Variants in HS6ST3 observed in about 807,000 individuals in gnomAD.
HS6ST3 encodes heparan sulfate 6-O-sulfotransferase 3, also known as heparan-sulfate 6-O-sulfotransferase 3.
Under a neutral mutation model 36.7 loss-of-function variants are expected in HS6ST3, and 12 were observed. The observed-to-expected ratio is 0.33, with a 90% CI of 0.21 to 0.53. HS6ST3 has a LOEUF of 0.53. HS6ST3 is among the 20% of genes least tolerant of loss of function. HS6ST3 has a pLI of 0.95. For missense variants in HS6ST3, 584 were observed against 640.9 expected, an observed-to-expected ratio of 0.91 and a Z score of 0.96; for synonymous variants, 240 against 257.5, an observed-to-expected ratio of 0.93 and a Z score of 0.65.
At chr13:96,517,293 TCA>T (rs2056076441) in intron 1 of HS6ST3, among the ~76,000 whole-genome samples, 1 of 151,548 alleles carries the variant, frequency 6.6e-6, no homozygotes, top group African/African-American at 2.4e-5. Flanking sequence ...GGTGGGAGAA[TCA>T]CTTGGATCTG....
At chr13:96,613,428 T>C (rs996853816) in intron 1 of HS6ST3, among the ~76,000 whole-genome samples, 3 of 152,056 alleles carry the variant, frequency 2.0e-5, no homozygotes, top group African/African-American at 7.2e-5. Context: ...CCACCACAAG[T>C]TTTGCTTTTG....
Position 96,484,223 on chromosome 13 carries a change from T to C in HS6ST3, c.708-348267T>C, listed in dbSNP as rs148966725. On this transcript the variant is annotated intron_variant, in intron 1 of 1. Transcript: ENST00000376705. ...AAAACTTAATGTTTTGATATATGTG[T>C]ATATTGTGAAATGATCATTGCAATC... Among the ~76,000 whole-genome samples the C allele has an allele frequency of 4.9e-4, 75 of 152,262 alleles. No homozygotes were observed. The East Asian group carries it at 0.014, about 29-fold the overall frequency.
intron 1 of HS6ST3, among the ~76,000 whole-genome samples, chr13:96,304,021 T>TA (rs1163231094): frequency 6.6e-6 from 1 of 151,850 alleles, no homozygotes; most frequent in Non-Finnish European, 1.5e-5. Flanking sequence ...TGTGCACCTG[T>TA]AGTTCCAGTT....
At chr13:96,634,589 A>C (rs1007458918) in intron 1 of HS6ST3, among the ~76,000 whole-genome samples, 1 of 152,156 alleles carries the variant, frequency 6.6e-6, no homozygotes, top group Non-Finnish European at 1.5e-5. Flanking sequence ...GCTTATTACC[A>C]AAAAGATTAG....
At chr13:96,371,489 A>G (rs189533612) in intron 1 of HS6ST3, among the ~76,000 whole-genome samples, 1 of 152,238 alleles carries the variant, frequency 6.6e-6, no homozygotes, top group East Asian at 1.9e-4. Context: ...CCTACTTAAG[A>G]TCTCTCTTAG....
intron 1 of HS6ST3, among the ~76,000 whole-genome samples, chr13:96,313,187 G>A (rs1351148074): frequency 6.6e-6 from 1 of 151,946 alleles, no homozygotes; most frequent in Non-Finnish European, 1.5e-5. Context: ...TTGAGAGCCT[G>A]CTTCCCATCT....
intron 1 of HS6ST3, among the ~76,000 whole-genome samples, chr13:96,696,418 C>A (rs656180): frequency 0.015 from 2,277 of 152,260 alleles, 55 homozygotes; most frequent in African/African-American, 0.051. Context: ...GGAACTGTGG[C>A]CTGGCCAAGT....
intron 1 of HS6ST3, among the ~76,000 whole-genome samples, chr13:96,552,931 T>C (rs2056225135): frequency 6.6e-6 from 1 of 152,166 alleles, no homozygotes; most frequent in Non-Finnish European, 1.5e-5. Flanking sequence ...AGTCCAGTTA[T>C]AATGGCTGAA....
intron 1 of HS6ST3, among the ~76,000 whole-genome samples, chr13:96,528,766 T>C (rs959929468): frequency 6.6e-6 from 1 of 152,172 alleles, no homozygotes; most frequent in Non-Finnish European, 1.5e-5. Flanking sequence ...ACTACTAAGA[T>C]ATCCCTGACT....
chr13:96,349,329 G>T (rs1258967356), intron 1 of HS6ST3, among the ~76,000 whole-genome samples: 2 of 151,962 alleles, frequency 1.3e-5, no homozygotes, highest in Admixed American at 6.6e-5. Flanking sequence ...TTGTGTGTTT[G>T]TGTGTTCTAC....
At chr13:96,677,612 G>T (rs2056703188) in intron 1 of HS6ST3, among the ~76,000 whole-genome samples, 1 of 152,056 alleles carries the variant, frequency 6.6e-6, no homozygotes, top group African/African-American at 2.4e-5. Context: ...TGAAAGAAAA[G>T]ATTAAATATC....
At chr13:96,615,668 A>T (rs941034342) in intron 1 of HS6ST3, among the ~76,000 whole-genome samples, 6 of 152,272 alleles carry the variant, frequency 3.9e-5, no homozygotes, top group Non-Finnish European at 5.9e-5. Flanking sequence ...AATGAAGCAG[A>T]ATAAACACAA....
At chr13:96,172,568 T>C (rs1316969958) in intron 1 of HS6ST3, among the ~76,000 whole-genome samples, 1 of 152,198 alleles carries the variant, frequency 6.6e-6, no homozygotes, top group African/African-American at 2.4e-5. Flanking sequence ...ATAGTAACAC[T>C]TTATCAGTGT....
rs571266869 is a variant in HS6ST3, at chr13:96,379,818, T to C, written c.707+288249T>C. Among the ~76,000 whole-genome samples the C allele has an allele frequency of 6.6e-5, 10 of 152,288 alleles. No homozygotes were observed. The South Asian group carries it at 1.9e-3, about 28-fold the overall frequency. ...TTTGAGAACTGGGTTAAAAATTGCC[T>C]ACAGTGAGGCTGTGCTTTATCAAAT... On this transcript the variant is annotated intron_variant, in intron 1 of 1. Transcript: ENST00000376705.
chr13:96,784,937 G>A (rs1337486552), intron 1 of HS6ST3, among the ~76,000 whole-genome samples: 1 of 152,192 alleles, frequency 6.6e-6, no homozygotes, highest in African/African-American at 2.4e-5. Flanking sequence ...GAAGGCCAAG[G>A]CAGGCAGATC....
At chr13:96,184,255 G>A (rs142114552) in intron 1 of HS6ST3, among the ~76,000 whole-genome samples, 2 of 147,618 alleles carry the variant, frequency 1.4e-5, no homozygotes, top group Non-Finnish European at 3.0e-5. Context: ...AGTTAAGATG[G>A]TAAGATTTAT....
chr13:96,191,470 T>A (rs1298540892), intron 1 of HS6ST3, among the ~76,000 whole-genome samples: 2 of 152,194 alleles, frequency 1.3e-5, no homozygotes, highest in Non-Finnish European at 2.9e-5. Context: ...GCATTCTGTT[T>A]CTTCTCCATT....
At chr13:96,625,813 T>C (rs984596620) in intron 1 of HS6ST3, among the ~76,000 whole-genome samples, 3 of 151,948 alleles carry the variant, frequency 2.0e-5, no homozygotes, top group African/African-American at 7.2e-5. Flanking sequence ...CTCTTTATGC[T>C]TGTCTTTGTA....
chr13:96,099,034 C>G (rs549834161), intron 1 of HS6ST3, among the ~76,000 whole-genome samples: 4 of 152,178 alleles, frequency 2.6e-5, no homozygotes, highest in Non-Finnish European at 5.9e-5. Context: ...ACCTCCGCCT[C>G]ACAGGTTCAA....
Sources: gnomAD v4.1 joint callset for allele counts (sites outside exome capture counted in the v4.1 genomes callset) on GRCh38, gnomAD v4.1.1 for gene constraint, MANE v1.5 for transcripts, NCBI Gene and HGNC (gene_info 2026-07-23, HGNC 2026-07-21) for gene names.